The following CDK14 variants were observed in gnomAD, a reference collection of about 807,000 sequenced individuals.
CDK14 encodes cyclin-dependent kinase 14.
CDK14 carries 34 observed loss-of-function variants against 60.7 expected under a neutral mutation model. That is an observed-to-expected ratio of 0.56 (90% CI 0.43 to 0.75). CDK14 has a LOEUF of 0.75. Ranked by LOEUF, CDK14 falls within the 30% of genes least tolerant of loss-of-function variation. The pLI is 0.00. For missense variants in CDK14, 482 were observed against 564.1 expected (o/e 0.85, Z 1.47); for synonymous variants, 197 against 203.7 (o/e 0.97, Z 0.28).
chr7:90,951,980 T>C (rs1794276263), intron 8 of CDK14, among the ~76,000 whole-genome samples: 1 of 151,980 alleles, frequency 6.6e-6, no homozygotes, highest in Non-Finnish European at 1.5e-5. Flanking sequence ...ACCTATAAAG[T>C]GTATATATTT....
intron 2 of CDK14, among the ~76,000 whole-genome samples, chr7:90,712,736 T>C (rs1451790834): frequency 6.6e-6 from 1 of 152,154 alleles, no homozygotes; most frequent in Non-Finnish European, 1.5e-5. Context: ...AATTCTTTGC[T>C]GATAGCAGCA....
Position 91,147,162 on chromosome 7 carries a change from TCACACACA to T in CDK14, c.*28+28992_*28+28999del, listed in dbSNP as rs71107808. ...CTCTGTCTCTCTCTCTCTCTCTCTC[TCACACACA>T]CACACACACACACACACACACACAC... On this transcript the variant is annotated intron_variant, in intron 14 of 14. Transcript: ENST00000380050. Among the ~76,000 whole-genome samples the T allele has an allele frequency of 2.5e-3, 313 of 124,668 alleles. 3 individuals are homozygous for T. The highest frequency in any genetic ancestry group is 4.2e-3 in the African/African-American group (127 of 30,176). The allele number at this position is 124,668 out of a possible 152,430, so 81.8% of individuals were successfully genotyped here.
intron 9 of CDK14, among the ~76,000 whole-genome samples, chr7:90,982,125 G>A (rs1197266642): frequency 6.6e-6 from 1 of 152,172 alleles, no homozygotes; most frequent in Non-Finnish European, 1.5e-5. Context: ...TGCTAGGTGG[G>A]AACTGTGAGC....
rs149001801 is a variant in CDK14, at chr7:90,932,706, G to T, written c.826+14982G>T. On this transcript the variant is annotated intron_variant, in intron 8 of 14. Transcript: ENST00000380050. ...ACTGGTTTATTGTCTCAGTTTCTGT[G>T]TGGTAAGAGTCTGAGTATGGCCTAG... 2.5e-3 allele frequency among the ~76,000 whole-genome samples: 386 copies of T among 152,328 alleles called. 4 individuals are homozygous for T. The highest frequency in any genetic ancestry group is 8.8e-3 in the African/African-American group (364 of 41,570).
intron 9 of CDK14, among the ~76,000 whole-genome samples, chr7:90,976,935 A>G (rs1056865343): frequency 2.3e-4 from 35 of 152,120 alleles, no homozygotes; most frequent in African/African-American, 8.4e-4. Context: ...CTTTTAGTGT[A>G]GAAGCTTTTG....
At chr7:90,745,389 C>T (rs751713911) in intron 3 of CDK14, among the ~76,000 whole-genome samples, 8 of 151,904 alleles carry the variant, frequency 5.3e-5, no homozygotes, top group Non-Finnish European at 1.0e-4. Flanking sequence ...CTTTTTGCAC[C>T]GATTACAATC....
intron 2 of CDK14, among the ~76,000 whole-genome samples, chr7:90,679,834 A>G (rs1801279495): frequency 6.6e-6 from 1 of 152,196 alleles, no homozygotes; most frequent in Non-Finnish European, 1.5e-5. Context: ...AATTTTTAAA[A>G]ATGATCTTTT....
At chr7:90,715,629 G>A (rs1197531441) in intron 2 of CDK14, among the ~76,000 whole-genome samples, 2 of 145,778 alleles carry the variant, frequency 1.4e-5, no homozygotes, top group African/African-American at 5.0e-5. Context: ...GGGAGAGGGA[G>A]AAAAAGTTTT....
chr7:90,882,787 C>T (rs965591565), intron 6 of CDK14, among the ~76,000 whole-genome samples: 1 of 152,176 alleles, frequency 6.6e-6, no homozygotes, highest in Non-Finnish European at 1.5e-5. Flanking sequence ...GATTAAGAAA[C>T]TCACTCAAAA....
intron 2 of CDK14, among the ~76,000 whole-genome samples, chr7:90,660,325 A>G (rs1389555328): frequency 6.6e-6 from 1 of 152,198 alleles, no homozygotes; most frequent in Non-Finnish European, 1.5e-5. Flanking sequence ...CTATTTACTA[A>G]CTCAAATATT....
intron 2 of CDK14, among the ~76,000 whole-genome samples, chr7:90,605,648 A>G (rs1321969953): frequency 2.0e-5 from 3 of 152,186 alleles, no homozygotes; most frequent in Non-Finnish European, 1.5e-5. Context: ...TTAAGCTTAC[A>G]TAAAAAGAGA....
chr7:90,944,899 G>A (rs1324971206), intron 8 of CDK14, among the ~76,000 whole-genome samples: 1 of 152,182 alleles, frequency 6.6e-6, no homozygotes, highest in Non-Finnish European at 1.5e-5. Context: ...GGACCAGGAA[G>A]GGGAGGGCAA....
chr7:91,020,431 TAAA>T (rs908562300), intron 10 of CDK14, among the ~76,000 whole-genome samples: 1 of 152,088 alleles, frequency 6.6e-6, no homozygotes, highest in African/African-American at 2.4e-5. Flanking sequence ...TTGAACAAAA[TAAA>T]AACCCTTGCT....
intron 4 of CDK14, among the ~76,000 whole-genome samples, chr7:90,783,951 A>G (rs1360405596): frequency 1.3e-5 from 2 of 152,126 alleles, no homozygotes; most frequent in African/African-American, 4.8e-5. Context: ...GGAAATCAAT[A>G]TGTGGAAGAG....
intron 5 of CDK14, among the ~76,000 whole-genome samples, chr7:90,826,714 C>T (rs1789735132): frequency 6.6e-6 from 1 of 151,848 alleles, no homozygotes; most frequent in African/African-American, 2.4e-5. Flanking sequence ...TTTTAATTGA[C>T]TTTATTTTTT....
At chr7:90,899,210 G>T in intron 6 of CDK14, 81 bp from the exon 7 acceptor site, 1 of 1,112,124 alleles carries the variant, frequency 9.0e-7, no homozygotes, top group East Asian at 2.8e-5. Context: ...AGAAGGTAAT[G>T]GTGAGTTTGA....
chr7:91,206,813 T>A (rs1016972157), intron 14 of CDK14, among the ~76,000 whole-genome samples: 2 of 152,216 alleles, frequency 1.3e-5, no homozygotes, highest in Non-Finnish European at 2.9e-5. Context: ...TAATGGTCTG[T>A]ATGATGCTAC....
intron 8 of CDK14, among the ~76,000 whole-genome samples, chr7:90,933,693 A>G (rs1793663723): frequency 6.6e-6 from 1 of 152,220 alleles, no homozygotes; most frequent in Non-Finnish European, 1.5e-5. Flanking sequence ...CAAGGTCCAA[A>G]TAGGATTTCA....
chr7:90,991,692 C>T (rs1159010823), intron 10 of CDK14, among the ~76,000 whole-genome samples: 1 of 152,110 alleles, frequency 6.6e-6, no homozygotes, highest in African/African-American at 2.4e-5. Flanking sequence ...AGAAAGATTT[C>T]CTGCCCCAAA....
Sources: allele counts gnomAD v4.1 joint callset (sites outside exome capture counted in the v4.1 genomes callset), GRCh38; gene constraint gnomAD v4.1.1; transcripts MANE v1.5; gene names NCBI Gene and HGNC (gene_info 2026-07-23, HGNC 2026-07-21).